SMYD1: variants seen among roughly 807,000 people sequenced by gnomAD.
The protein encoded by SMYD1 is SET and MYND domain containing 1.
In SMYD1, 49 loss-of-function variants were observed where a neutral mutation model predicts 54.0. That is an observed-to-expected ratio of 0.91 (90% CI 0.72 to 1.15). SMYD1 has a LOEUF of 1.15. Ranked by LOEUF, SMYD1 falls within the 50% of genes most tolerant of loss-of-function variation. The pLI is 0.00. For missense variants in SMYD1, 653 were observed against 639.6 expected (o/e 1.02, Z -0.23); for synonymous variants, 269 against 234.2 (o/e 1.15, Z -1.36).
At chr2:88,109,424 G>A (rs1674958949) in intron 9 of SMYD1, among the ~76,000 whole-genome samples, 1 of 152,176 alleles carries the variant, frequency 6.6e-6, no homozygotes, top group Admixed American at 6.5e-5. Context: ...ATGTATGGCT[G>A]TCAGTCTCCT....
intron 1 of SMYD1, among the ~76,000 whole-genome samples, chr2:88,080,944 C>T (rs933878730): frequency 9.2e-5 from 14 of 151,362 alleles, no homozygotes; most frequent in Non-Finnish European, 8.8e-5. Flanking sequence ...ACTGTGTTGC[C>T]CAGGCTGGAG....
chr2:88,093,423 A>T, intron 4 of SMYD1, 94 bp from the exon 5 acceptor site: 1 of 1,437,140 alleles, frequency 7.0e-7, no homozygotes, highest in Non-Finnish European at 9.8e-7. Context: ...AAGCTTTGAT[A>T]CTGTGACCCA....
At chr2:88,102,874 A>G (rs1674752358) in intron 6 of SMYD1, among the ~76,000 whole-genome samples, 184 bp from the exon 7 acceptor site, 1 of 152,244 alleles carries the variant, frequency 6.6e-6, no homozygotes, top group African/African-American at 2.4e-5. Flanking sequence ...AACACAAGTC[A>G]GAAATATGAT....
chr2:88,083,889 T>C (rs1674256946), intron 1 of SMYD1, among the ~76,000 whole-genome samples: 1 of 151,902 alleles, frequency 6.6e-6, no homozygotes, highest in Non-Finnish European at 1.5e-5. Flanking sequence ...TTGTCAGGAG[T>C]TCGAGACCAG....
rs189207181 is a variant in SMYD1 at position 88,086,258 on chromosome 2, C to T, written c.315-1604C>T. ...CAACTGCCTGTGAATCTGCAATTATCTCAATTAAAATTTCAATTAAAAAAA... is the reference window on the plus strand; with the variant it reads ...CAACTGCCTGTGAATCTGCAATTATTTCAATTAAAATTTCAATTAAAAAAA... On this transcript the variant is annotated intron_variant, in intron 2 of 9. Transcript: ENST00000419482. Among the ~76,000 whole-genome samples, 331 of 152,278 alleles carry T rather than the reference C, an allele frequency of 2.2e-3. 3 individuals are homozygous for T. Among genetic ancestry groups the T allele is most frequent in the Middle Eastern group, 6.8e-3 (2 of 294 alleles).
intron 5 of SMYD1, among the ~76,000 whole-genome samples, chr2:88,096,054 G>A (rs1010855573): frequency 1.3e-5 from 2 of 152,142 alleles, no homozygotes; most frequent in Admixed American, 1.3e-4. Flanking sequence ...ATCTCCAGTG[G>A]GCTAAGTCTC....
chr2:88,091,122 T>G lies in SMYD1; in HGVS notation c.639T>G (p.Thr213=). Residue 213 remains threonine, a synonymous_variant, in exon 4 of 10, where the codon ACT becomes ACG. Transcript: ENST00000419482. ...ACCATGACTGTTGGCCCAACTGTAC[T>G]GTCATATTTAACAATGGCAAGTGAG... ...LVNHDCWPNC[T]VIFNNGNHEA... 6.2e-7 allele frequency: 1 copy of G among 1,614,120 alleles called. No individual in the cohort carries two copies. Among genetic ancestry groups the G allele is most frequent in the Non-Finnish European group, 8.5e-7 (1 of 1,179,976 alleles).
chr2:88,079,260 T>C (rs1022907607), intron 1 of SMYD1, among the ~76,000 whole-genome samples: 5 of 152,214 alleles, frequency 3.3e-5, no homozygotes, highest in Admixed American at 3.3e-4. Flanking sequence ...TTAGTGACTT[T>C]GAGAACATGA....
intron 4 of SMYD1, among the ~76,000 whole-genome samples, chr2:88,093,089 C>G (rs1225517307): frequency 6.6e-6 from 1 of 152,176 alleles, no homozygotes. Context: ...GTGACCTAAC[C>G]AGACTCCATG....
At chr2:88,107,840 T>C (rs759111906) in intron 8 of SMYD1, among the ~76,000 whole-genome samples, 144 of 152,312 alleles carry the variant, frequency 9.5e-4, no homozygotes, top group Non-Finnish European at 1.4e-3. Context: ...GTGCTGTCTG[T>C]CACCCCTTTC....
At chr2:88,108,180 CTG>C (rs1674926165) in intron 8 of SMYD1, among the ~76,000 whole-genome samples, 189 bp from the exon 9 acceptor site, 2 of 152,326 alleles carry the variant, frequency 1.3e-5, no homozygotes, top group South Asian at 4.1e-4. Context: ...CACAGCCTCA[CTG>C]TGTAGAATGT....
chr2:88,108,607 C>G, intron 9 of SMYD1, 68 bp downstream of exon 9: 1 of 1,444,820 alleles, frequency 6.9e-7, no homozygotes, highest in Non-Finnish European at 9.2e-7. Flanking sequence ...AGTGTGAGTT[C>G]AGGTGGACTC....
Position 88,106,442 on chromosome 2 carries a change from T to C in SMYD1, c.1099T>C (p.Phe367Leu). The C allele has an allele frequency of 6.2e-7, 1 of 1,614,144 alleles. No homozygotes were observed. Among genetic ancestry groups the C allele is most frequent in the Non-Finnish European group, 8.5e-7 (1 of 1,180,004 alleles). The change falls in exon 8 of 10, where the codon TTT becomes CTT. Residue 367 changes from phenylalanine to leucine, a missense_variant. Physicochemically the swap from Phe to Leu is conservative, Grantham distance 22. Coordinates refer to ENST00000419482, the MANE Select transcript of SMYD1 (RefSeq NM_198274.4). ...GGAGGTCCTTTCCTACCTCCAGGCC[T>C]TTGAGGAGGCCTCGTTCTATGCCAG... ...VSEVLSYLQA[F>L]EEASFYARRM... is the part of the protein sequence containing the mutation.
intron 6 of SMYD1, among the ~76,000 whole-genome samples, chr2:88,101,274 T>C (rs1385792489): frequency 6.6e-6 from 1 of 152,252 alleles, no homozygotes; most frequent in Non-Finnish European, 1.5e-5. Flanking sequence ...AAGGAAGCTG[T>C]TGAGTCTAAC....
At chr2:88,081,216 T>C (rs1383549401) in intron 1 of SMYD1, among the ~76,000 whole-genome samples, 1 of 152,032 alleles carries the variant, frequency 6.6e-6, no homozygotes, top group East Asian at 1.9e-4. Context: ...ATATGTTCAT[T>C]ATCTTGATTG....
rs1674763587 is a variant in SMYD1, at chr2:88,103,139, T to A, written c.970T>A (p.Leu324Met). 1 of 1,613,702 alleles carries A rather than the reference T, an allele frequency of 6.2e-7. No individual in the cohort carries two copies. Among genetic ancestry groups the A allele is most frequent in the Non-Finnish European group, 8.5e-7 (1 of 1,179,796 alleles). ...GATAGACAAGGCTCGTTCCGAGGGTTTGTATCATGAGGTAAGAATTCACTT... is the reference window on the plus strand; with the variant it reads ...GATAGACAAGGCTCGTTCCGAGGGTATGTATCATGAGGTAAGAATTCACTT... The part of the protein sequence containing the change: ...EKIDKARSEG[L>M]YHEVVKLCRE... The change falls in exon 7 of 10, where the codon TTG becomes ATG. Residue 324 changes from leucine (L) to methionine (M), a missense_variant. Leu to Met is a conservative substitution (Grantham distance 15). Transcript: ENST00000419482.
At chr2:88,072,343 G>T (rs1673967000) in intron 1 of SMYD1, among the ~76,000 whole-genome samples, 1 of 152,104 alleles carries the variant, frequency 6.6e-6, no homozygotes, top group Admixed American at 6.5e-5. Flanking sequence ...TAGAGACAGG[G>T]TTTCACCCTG....
At chr2:88,076,532 C>T (rs1674069522) in intron 1 of SMYD1, among the ~76,000 whole-genome samples, 1 of 152,118 alleles carries the variant, frequency 6.6e-6, no homozygotes, top group South Asian at 2.1e-4. Flanking sequence ...CTTCCTTTAT[C>T]TTTTAAGGCC....
Position 88,075,003 on chromosome 2 carries a change from A to C in SMYD1, c.137+7002A>C, listed in dbSNP as rs374706686. ...GTGGTTGGTTATTGGGGGATAAATGATGCTATAAATGGAAATAATTTAATA... is the reference window on the plus strand; with the variant it reads ...GTGGTTGGTTATTGGGGGATAAATGCTGCTATAAATGGAAATAATTTAATA... On this transcript the variant is annotated intron_variant, in intron 1 of 9. Transcript: ENST00000419482. 6.6e-4 allele frequency among the ~76,000 whole-genome samples: 100 copies of C among 152,326 alleles called. 1 individual carries two copies. The highest frequency in any genetic ancestry group is 2.3e-3 in the African/African-American group (97 of 41,576).
Sources: gnomAD v4.1 joint callset for allele counts (sites outside exome capture counted in the v4.1 genomes callset) on GRCh38, gnomAD v4.1.1 for gene constraint, MANE v1.5 for transcripts, NCBI Gene and HGNC (gene_info 2026-07-23, HGNC 2026-07-21) for gene names.